KCTD1: variants seen among roughly 807,000 people sequenced by gnomAD.
KCTD1 encodes BTB/POZ domain-containing protein KCTD1.
A neutral mutation model predicts 66.0 loss-of-function variants in KCTD1; 24 were observed. The ratio of observed to expected loss-of-function variants is 0.36; its 90% CI spans 0.26 to 0.51. The LOEUF (loss-of-function observed/expected upper bound fraction) is 0.51. Ranked by LOEUF, KCTD1 falls within the 20% of genes least tolerant of loss-of-function variation. The pLI, the probability that KCTD1 is intolerant of heterozygous loss-of-function variation, is 0.95. For missense variants in KCTD1, 943 were observed against 1,205.2 expected (o/e 0.78, Z 3.22); for synonymous variants, 511 against 517.2 (o/e 0.99, Z 0.16).
In KCTD1 at chr18:26,593,633, AGGAGGAAGAGAAGGAAGAGGAGGAAG is replaced by A. The variant is rs1305729060; in HGVS notation, c.-16+35488_-16+35513del. ...GAAGACAAGGAGGAGGAGGAAGATG[AGGAGGAAGAGAAGGAAGAGGAGGAAG>A]AGGAGGAGGAGGAAGATGAGGAGGA... On this transcript the variant is annotated intron_variant, in intron 1 of 4. Coordinates refer to the KCTD1 transcript ENST00000317932. 1.1e-4 allele frequency among the ~76,000 whole-genome samples: 14 copies of A among 132,378 alleles called. 2 individuals carry two copies. The highest frequency in any genetic ancestry group is 5.0e-4 in the East Asian group (2 of 4,026). 86.8% of individuals were successfully genotyped at this position (132,378 alleles called of 152,430 possible). A position where few individuals can be genotyped will look rare whatever the true frequency, so the allele number is the denominator to read the frequency against.
At chr18:26,652,775 T>A (rs944137137) in intron 1 of KCTD1, among the ~76,000 whole-genome samples, 1 of 152,238 alleles carries the variant, frequency 6.6e-6, no homozygotes, top group African/African-American at 2.4e-5. Flanking sequence ...TGGTTTCCTT[T>A]GTGAATGCTG....
Position 26,484,120 on chromosome 18 carries a change from G to A in KCTD1, c.1989-7461C>T, listed in dbSNP as rs979439729. On this transcript the variant is annotated intron_variant, in intron 2 of 4. Transcript: ENST00000580059. ...CATTATCATAAACAGCATTTAATTC[G>A]TTTAAAGTATTATAACTGTTAAAAA... 3.9e-5 allele frequency among the ~76,000 whole-genome samples: 6 copies of A among 152,224 alleles called. 1 individual carries two copies. The highest frequency in any genetic ancestry group is 4.1e-4 in the South Asian group (2 of 4,822).
At chr18:26,563,113 C>G (rs1478374118) in intron 1 of KCTD1, among the ~76,000 whole-genome samples, 1 of 152,142 alleles carries the variant, frequency 6.6e-6, no homozygotes, top group Non-Finnish European at 1.5e-5. Flanking sequence ...TCCATTCAGC[C>G]CATGCTCTCC....
At chr18:26,543,128 G>A (rs1266136748) in intron 1 of KCTD1, 1 of 152,156 alleles carries the variant, frequency 6.6e-6, no homozygotes, top group East Asian at 1.9e-4. Flanking sequence ...CCTGAATGAA[G>A]AAAGTTATAT....
chr18:26,551,132 G>C (rs926391314), upstream of KCTD1, among the ~76,000 whole-genome samples: 2 of 152,302 alleles, frequency 1.3e-5, no homozygotes, highest in African/African-American at 2.4e-5. Flanking sequence ...GCTTTGAATT[G>C]CTCGCAGTTT....
chr18:26,592,070 A>G (rs1301340748), intron 1 of KCTD1, among the ~76,000 whole-genome samples: 1 of 152,176 alleles, frequency 6.6e-6, no homozygotes, highest in Non-Finnish European at 1.5e-5. Context: ...AACTTCTGAC[A>G]CCTGGGCATA....
rs7241098 is a variant in KCTD1, at chr18:26,481,136, A to G, written c.1989-4477T>C. Reference sequence around the variant, plus strand: ...CCACCAGTATTAGTGGGGGCTCACTATGCCAGATACAGGGGATGCAGTAGT... The same window carrying G: ...CCACCAGTATTAGTGGGGGCTCACTGTGCCAGATACAGGGGATGCAGTAGT... On this transcript the variant is annotated intron_variant, in intron 2 of 4. Transcript: ENST00000580059. Among the ~76,000 whole-genome samples, 506 of 152,230 alleles carry G rather than the reference A, an allele frequency of 3.3e-3. 2 individuals are homozygous for G. The highest frequency in any genetic ancestry group is 0.011 in the African/African-American group (477 of 41,524).
chr18:26,514,671 T>A (rs1359808083), intron 1 of KCTD1, among the ~76,000 whole-genome samples: 1 of 152,200 alleles, frequency 6.6e-6, no homozygotes, highest in Non-Finnish European at 1.5e-5. Flanking sequence ...GCCTAGCAGT[T>A]TGCCAGAAAC....
upstream of KCTD1, chr18:26,549,742 A>G (rs1363183354): frequency 6.1e-6 from 6 of 985,332 alleles, no homozygotes; most frequent in Non-Finnish European, 7.2e-6. Flanking sequence ...AAGTTTGCCA[A>G]CCGCCATTCG....
chr18:26,565,196 T>C (rs1179472235), intron 1 of KCTD1, among the ~76,000 whole-genome samples: 1 of 152,222 alleles, frequency 6.6e-6, no homozygotes, highest in Non-Finnish European at 1.5e-5. Flanking sequence ...TAGGGACCAG[T>C]TCTGTTCCAG....
intron 1 of KCTD1, among the ~76,000 whole-genome samples, chr18:26,520,456 C>T (rs1983857006): frequency 6.6e-6 from 1 of 152,154 alleles, no homozygotes; most frequent in African/African-American, 2.4e-5. Context: ...ATAATCCTTG[C>T]TTTTTAATTG....
intron 1 of KCTD1, among the ~76,000 whole-genome samples, chr18:26,539,486 C>T (rs1598928117): frequency 6.6e-6 from 1 of 152,118 alleles, no homozygotes; most frequent in South Asian, 2.1e-4. Context: ...TTAAAGCTTT[C>T]AGTATGTCTT....
chr18:26,494,313 A>G (rs540428809), intron 2 of KCTD1, among the ~76,000 whole-genome samples: 17 of 152,298 alleles, frequency 1.1e-4, no homozygotes, highest in African/African-American at 3.1e-4. Flanking sequence ...CAAGGCTACA[A>G]TGAGCTATGA....
At chr18:26,617,914 GAAACAAAAAGAAGGA>G (rs1224134609) in intron 1 of KCTD1, among the ~76,000 whole-genome samples, 2 of 147,802 alleles carry the variant, frequency 1.4e-5, no homozygotes, top group Non-Finnish European at 3.0e-5. Flanking sequence ...GAGGGAGAGG[GAAACAAAAAGAAGGA>G]AAAAAAAAAA....
At chr18:26,471,511 A>G (rs1246611715) in intron 3 of KCTD1, among the ~76,000 whole-genome samples, 1 of 152,038 alleles carries the variant, frequency 6.6e-6, no homozygotes, top group East Asian at 1.9e-4. Context: ...TTCAAGCAGG[A>G]GCAACTCATG....
intron 1 of KCTD1, among the ~76,000 whole-genome samples, chr18:26,591,912 G>A (rs927522236): frequency 3.9e-5 from 6 of 152,170 alleles, no homozygotes; most frequent in Admixed American, 2.0e-4. Flanking sequence ...TGTAAAATTA[G>A]TCCCTGTAAG....
At chr18:26,638,051 T>C (rs970101180) in intron 1 of KCTD1, among the ~76,000 whole-genome samples, 12 of 152,234 alleles carry the variant, frequency 7.9e-5, no homozygotes, top group Admixed American at 7.9e-4. Context: ...AGTTTGTCTT[T>C]AAAAAATCAG....
At chr18:26,623,342 T>G (rs1987429953) in intron 1 of KCTD1, among the ~76,000 whole-genome samples, 1 of 152,204 alleles carries the variant, frequency 6.6e-6, no homozygotes, top group African/African-American at 2.4e-5. Context: ...TGATATGCTT[T>G]GACTGTGTCC....
upstream of KCTD1, among the ~76,000 whole-genome samples, chr18:26,629,644 G>A (rs1417808517): frequency 6.6e-6 from 1 of 152,120 alleles, no homozygotes; most frequent in Non-Finnish European, 1.5e-5. Flanking sequence ...ACGAGGCAAA[G>A]TGTTGTGAGA....
Sources: gnomAD v4.1 joint callset for allele counts (sites outside exome capture counted in the v4.1 genomes callset) on GRCh38, gnomAD v4.1.1 for gene constraint, MANE v1.5 for transcripts, NCBI Gene and HGNC (gene_info 2026-07-23, HGNC 2026-07-21) for gene names.